The following COL14A1 variants were observed in gnomAD, a reference collection of about 807,000 sequenced individuals.
COL14A1 encodes the protein collagen type XIV alpha 1 chain, also known as collagen alpha-1(XIV) chain.
COL14A1 carries 136 observed loss-of-function variants against 230.3 expected under a neutral mutation model. The ratio of observed to expected loss-of-function variants is 0.59; its 90% confidence interval spans 0.51 to 0.68. The LOEUF (loss-of-function observed/expected upper bound fraction) is 0.68. COL14A1 is among the 30% of genes least tolerant of loss of function. The probability of loss-of-function intolerance (pLI) is 0.00; values close to 1 mark genes in which losing one functional copy is unlikely to be tolerated. For synonymous variants in COL14A1, 792 were observed against 784.1 expected (o/e 1.01, Z -0.17); for missense variants, 1,976 against 2,215.8 (o/e 0.89, Z 2.17).
At chr8:120,140,160 A>G (rs981142072) in intron 1 of COL14A1, among the ~76,000 whole-genome samples, 8 of 152,232 alleles carry the variant, frequency 5.3e-5, no homozygotes, top group African/African-American at 1.9e-4. Flanking sequence ...TATATAGCAA[A>G]TTATCACCAC....
chr8:120,156,259 T>C (rs72675775), intron 2 of COL14A1, among the ~76,000 whole-genome samples: 6,309 of 151,934 alleles, frequency 0.042, 160 homozygotes, highest in Non-Finnish European at 0.06. Flanking sequence ...AGTCTCCGCC[T>C]CCTGGATTCA....
intron 2 of COL14A1, among the ~76,000 whole-genome samples, chr8:120,148,501 T>C (rs1717360726): frequency 6.6e-6 from 1 of 152,206 alleles, no homozygotes; most frequent in African/African-American, 2.4e-5. Context: ...TGTTATGATA[T>C]CAGTTATATT....
At chr8:120,294,275 A>G (rs557603978) in intron 34 of COL14A1, among the ~76,000 whole-genome samples, 2 of 151,866 alleles carry the variant, frequency 1.3e-5, no homozygotes, top group African/African-American at 4.8e-5. Context: ...TTTTAATCTT[A>G]TTTTCCTGCT....
chr8:120,250,854 C>A, intron 22 of COL14A1, 88 bp downstream of exon 22: 1 of 1,447,032 alleles, frequency 6.9e-7, no homozygotes, highest in Non-Finnish European at 9.4e-7. Context: ...GTCGCTCAGG[C>A]TGGAGTGCGC....
In COL14A1 at chr8:120,324,301, G is replaced by A. The variant is rs116607083; in HGVS notation, c.4660-7840G>A. Among the ~76,000 whole-genome samples the A allele has an allele frequency of 7.2e-5, 11 of 152,162 alleles. No homozygotes were observed. In the South Asian group the frequency reaches 2.3e-3, roughly 32 times the overall value. On this transcript the variant is annotated intron_variant, in intron 40 of 47. Transcript: ENST00000297848. ...ATATAATATATAAATAGATGTATAT[G>A]TTTATCTGTGCATATATACATATAC...
chr8:120,269,031 G>A (rs899623584), intron 25 of COL14A1, among the ~76,000 whole-genome samples: 3 of 151,244 alleles, frequency 2.0e-5, no homozygotes, highest in East Asian at 1.9e-4. Context: ...ACTTGGAGAT[G>A]GTTTATTTTA....
At chr8:120,308,030 G>T (rs1563729718) in intron 36 of COL14A1, among the ~76,000 whole-genome samples, 1 of 152,316 alleles carries the variant, frequency 6.6e-6, no homozygotes, top group South Asian at 2.1e-4. Flanking sequence ...CGCTTAGGCT[G>T]GGGTGCAGTG....
chr8:120,197,755 A>G (rs1817087255), intron 6 of COL14A1, 56 bp from the exon 7 acceptor site: 8 of 1,567,948 alleles, frequency 5.1e-6, no homozygotes, highest in Non-Finnish European at 6.9e-6. Flanking sequence ...TGAGTAGCCC[A>G]CTAGATTTTT....
chr8:120,297,088 A>G (rs1375504692), intron 34 of COL14A1, among the ~76,000 whole-genome samples: 2 of 152,024 alleles, frequency 1.3e-5, no homozygotes, highest in Non-Finnish European at 2.9e-5. Flanking sequence ...TATGCCACAT[A>G]TTATGATAGG....
intron 1 of COL14A1, among the ~76,000 whole-genome samples, chr8:120,129,185 G>T (rs1256532643): frequency 1.3e-5 from 2 of 152,102 alleles, no homozygotes; most frequent in Non-Finnish European, 2.9e-5. Context: ...CTAACTACGG[G>T]GTAGTGTTCA....
intron 45 of COL14A1, among the ~76,000 whole-genome samples, chr8:120,364,442 A>T (rs1442675805): frequency 6.6e-6 from 1 of 152,188 alleles, no homozygotes; most frequent in Non-Finnish European, 1.5e-5. Context: ...GATTTTTAAC[A>T]AGGTTGCTTC....
chr8:120,303,507 TG>T (rs1300811953), intron 36 of COL14A1, among the ~76,000 whole-genome samples: 1 of 152,236 alleles, frequency 6.6e-6, no homozygotes, highest in Admixed American at 6.5e-5. Flanking sequence ...ACGTGGTTTT[TG>T]TCTTTGGTTC....
At chr8:120,326,182 G>A (rs1586866390) in intron 40 of COL14A1, among the ~76,000 whole-genome samples, 1 of 152,136 alleles carries the variant, frequency 6.6e-6, no homozygotes, top group South Asian at 2.1e-4. Flanking sequence ...GTGTGAATAG[G>A]GAGACTCATG....
intron 26 of COL14A1, among the ~76,000 whole-genome samples, chr8:120,274,222 C>T (rs1182405246): frequency 6.6e-6 from 1 of 151,666 alleles, no homozygotes; most frequent in East Asian, 1.9e-4. Context: ...GAATTAATAA[C>T]AAAAACCATA....
intron 34 of COL14A1, among the ~76,000 whole-genome samples, chr8:120,296,647 G>T (rs1436664326): frequency 2.6e-5 from 4 of 151,924 alleles, no homozygotes; most frequent in African/African-American, 7.2e-5. Context: ...TGAAAATAAT[G>T]TAGGAAGAAA....
intron 36 of COL14A1, among the ~76,000 whole-genome samples, chr8:120,304,712 T>C (rs531626446): frequency 6.6e-6 from 1 of 152,338 alleles, no homozygotes; most frequent in East Asian, 1.9e-4. Flanking sequence ...TTGCATGTTC[T>C]CATTCCAGCC....
At chr8:120,163,958 C>T (rs908834189) in intron 4 of COL14A1, among the ~76,000 whole-genome samples, 3 of 151,944 alleles carry the variant, frequency 2.0e-5, no homozygotes, top group African/African-American at 7.3e-5. Context: ...GTCTAGTGAC[C>T]AGAGACTACA....
intron 40 of COL14A1, among the ~76,000 whole-genome samples, chr8:120,322,233 T>C (rs1467473368): frequency 6.6e-6 from 1 of 150,686 alleles, no homozygotes; most frequent in East Asian, 1.9e-4. Flanking sequence ...GGGGGTGGGG[T>C]TGGGGAAGGA....
In COL14A1 at chr8:120,168,247, G is replaced by C; in HGVS notation, c.436G>C (p.Glu146Gln). ...GNGSRPSSPEEVKFVCQTPAI... is the reference protein window; with the variant it reads ...GNGSRPSSPEQVKFVCQTPAI... ...TGGGAGTAGACCATCTTCACCAGAA[G>C]GTCAGAGACGATTTTAATTAACTCA... The change falls in exon 5 of 48, where the codon GAA (glutamate) becomes CAA (glutamine). Residue 146 changes from glutamate (E) to glutamine (Q), a missense_variant and splice_region_variant. Transcript: ENST00000297848. The C allele has an allele frequency of 6.2e-7, 1 of 1,605,252 alleles. No homozygotes were observed.
Sources: gnomAD v4.1 joint callset for allele counts (sites outside exome capture counted in the v4.1 genomes callset) on GRCh38, gnomAD v4.1.1 for gene constraint, MANE v1.5 for transcripts, NCBI Gene and HGNC (gene_info 2026-07-23, HGNC 2026-07-21) for gene names.